The following LHX6 variants were observed in gnomAD, a reference collection of about 807,000 sequenced individuals.
LHX6 encodes LIM/homeobox protein Lhx6.
Under a neutral mutation model 47.1 loss-of-function variants are expected in LHX6, and 15 were observed. The observed-to-expected ratio is 0.32, with a 90% CI of 0.21 to 0.49. LHX6 has a LOEUF of 0.49. LHX6 is among the 20% of genes least tolerant of loss of function. The pLI is 0.99. For missense variants in LHX6, 404 were observed against 539.6 expected (o/e 0.75, Z 2.49); for synonymous variants, 242 against 233.5 (o/e 1.04, Z -0.33).
At chr9:122,216,737 T>C (rs1830606046) in intron 5 of LHX6, among the ~76,000 whole-genome samples, 1 of 152,134 alleles carries the variant, frequency 6.6e-6, no homozygotes, top group Non-Finnish European at 1.5e-5. Context: ...GGCTGCCCGA[T>C]TATGAGAACC....
intron 9 of LHX6, 72 bp downstream of exon 9, chr9:122,209,542 A>G: frequency 6.2e-7 from 1 of 1,603,090 alleles, no homozygotes; most frequent in South Asian, 1.1e-5. Context: ...AATGGTTAAC[A>G]GAGGATGCTG....
At position 122,214,103 on chromosome 9, in the gene LHX6, C is replaced by T. The variant is rs766046550; in HGVS notation, c.784-34G>A. ...CGGGGAGGGCGGTGAGGCGCTCGCACGCAGAGACTCCGAGACCCCGGCCCA... is the reference window on the plus strand; with the variant it reads ...CGGGGAGGGCGGTGAGGCGCTCGCATGCAGAGACTCCGAGACCCCGGCCCA... On this transcript the variant is annotated intron_variant, in intron 6 of 9. Transcript: ENST00000394319. The surrounding 1 kb of genome is among the most constrained non-coding windows in gnomAD (Gnocchi z 4.6). 5 of 1,568,546 alleles carry T rather than the reference C, an allele frequency of 3.2e-6. No homozygotes were observed. The highest frequency in any genetic ancestry group is 1.7e-5 in the Admixed American group (1 of 58,746).
chr9:122,228,765 G>T lies in LHX6; in HGVS notation c.-25C>A, dbSNP rs1285037863. Reference sequence around the variant, plus strand: ...TGGGCCGGGGAACCTCGGGCTCAGCGGGCGCGCAGCGCGGAGAGCTGCGCC... The same window carrying T: ...TGGGCCGGGGAACCTCGGGCTCAGCTGGCGCGCAGCGCGGAGAGCTGCGCC... On this transcript the variant is annotated 5_prime_UTR_variant, in exon 1 of 10. Coordinates refer to ENST00000394319, the MANE Select transcript of LHX6 (RefSeq NM_014368.5). The T allele has an allele frequency of 8.1e-7, 1 of 1,238,754 alleles. No individual in the cohort carries two copies. Among genetic ancestry groups the T allele is most frequent in the Non-Finnish European group, 1.0e-6 (1 of 987,078 alleles). 76.7% of individuals were successfully genotyped at this position (1,238,754 alleles called of 1,614,324 possible).
chr9:122,227,503 G>A (rs1438084721), intron 1 of LHX6, 23 bp from the exon 2 acceptor site: 4 of 1,524,926 alleles, frequency 2.6e-6, no homozygotes, highest in Admixed American at 4.0e-5. Flanking sequence ...GGGAGGGAAC[G>A]CAGGCGGCGG....
At chr9:122,216,922 T>G (rs1830613071) in intron 5 of LHX6, 146 bp downstream of exon 5, 2 of 652,396 alleles carry the variant, frequency 3.1e-6, no homozygotes, top group South Asian at 1.9e-5. Context: ...GCAAGATCTG[T>G]TCGCCGCCCC....
In LHX6 at chr9:122,213,555, CCGCGCCCCCTCCCCGCAGGCCCAGCG is replaced by C. The variant is rs1167784954; in HGVS notation, c.1054+25_1054+50del. 2.7e-6 allele frequency: 4 copies of C among 1,491,466 alleles called. No individual in the cohort carries two copies. In the Admixed American group the frequency reaches 8.7e-5, roughly 33 times the overall value. The allele number at this position is 1,491,466 out of a possible 1,614,324, so 92.4% of individuals were successfully genotyped here. A position where few individuals can be genotyped will look rare whatever the true frequency, so the allele number is the denominator to read the frequency against. On this transcript the variant is annotated intron_variant, in intron 8 of 9. Coordinates refer to ENST00000394319, the MANE Select transcript of LHX6 (RefSeq NM_014368.5). The surrounding 1 kb of genome is among the most constrained non-coding windows in gnomAD (Gnocchi z 5.5). The stretch of plus-strand genomic sequence containing the variant: ...GCCTCAGCCGCCCACGTGCGCTCCT[CCGCGCCCCCTCCCCGCAGGCCCAGCG>C]GCTCCCGGCGCTGCGGTTACTTACT...
rs564927422 is a variant in LHX6 at position 122,216,919 on chromosome 9, C to T, written c.682+149G>A. ...AAAGATCGACCCGGAAGTGCAAGAT[C>T]TGTTCGCCGCCCCACCCCTACGCTG... is the stretch of plus-strand genomic sequence containing the variant. On this transcript the variant is annotated intron_variant, in intron 5 of 9. Coordinates refer to ENST00000394319, the MANE Select transcript of LHX6 (RefSeq NM_014368.5). The T allele has an allele frequency of 5.3e-4, 342 of 640,488 alleles. 2 individuals are homozygous for T. The South Asian group carries it at 6.3e-3, about 12-fold the overall frequency. The allele number at this position is 640,488 out of a possible 1,614,324, so 39.7% of individuals were successfully genotyped here. A position where few individuals can be genotyped will look rare whatever the true frequency, so the allele number is the denominator to read the frequency against.
intron 1 of LHX6, chr9:122,228,265 G>C (rs1421694163): frequency 6.5e-7 from 1 of 1,534,764 alleles, no homozygotes; most frequent in Non-Finnish European, 8.7e-7. Context: ...GGCGCTCAAG[G>C]GGAGGAAAAA....
At chr9:122,227,531 C>G in intron 1 of LHX6, 51 bp from the exon 2 acceptor site, 1 of 1,513,590 alleles carries the variant, frequency 6.6e-7, no homozygotes, top group South Asian at 1.2e-5. Flanking sequence ...TGAACTGGCT[C>G]CGCACAGCCT....
At chr9:122,225,728 T>G (rs943949209) in intron 4 of LHX6, among the ~76,000 whole-genome samples, 1 of 152,220 alleles carries the variant, frequency 6.6e-6, no homozygotes, top group African/African-American at 2.4e-5. Context: ...AGGCTCAGAA[T>G]GCGACACTCC....
At chr9:122,221,996 G>A (rs1830884140) in intron 4 of LHX6, among the ~76,000 whole-genome samples, 1 of 152,200 alleles carries the variant, frequency 6.6e-6, no homozygotes, top group African/African-American at 2.4e-5. Flanking sequence ...GATTATGAGA[G>A]TATCATACAC....
intron 4 of LHX6, among the ~76,000 whole-genome samples, chr9:122,222,942 C>T (rs542378520): frequency 4.6e-5 from 7 of 152,294 alleles, no homozygotes; most frequent in African/African-American, 1.2e-4. Flanking sequence ...CCCTTGACCC[C>T]GGGCTTCAGG....
rs774659808 is a variant in LHX6, at chr9:122,226,326, G to A, written c.461+50C>T. The stretch of plus-strand genomic sequence containing the variant: ...CGCCGCAAAAGTGGCCTCCGAATGC[G>A]CCCGGGGCCTGCCCTCGGCGACACT... On this transcript the variant is annotated intron_variant, in intron 4 of 9. Coordinates refer to ENST00000394319, the MANE Select transcript of LHX6 (RefSeq NM_014368.5). This position sits in a 1 kb window ranked among gnomAD's most constrained non-coding sequence, Gnocchi z 6.5. 3 of 1,574,362 alleles carry A rather than the reference G, an allele frequency of 1.9e-6. No homozygotes were observed. Among genetic ancestry groups the A allele is most frequent in the Non-Finnish European group, 2.6e-6 (3 of 1,159,708 alleles).
At position 122,213,666 on chromosome 9, in the gene LHX6, A is replaced by C; in HGVS notation, c.994T>G (p.Tyr332Asp). Reference sequence around the variant, plus strand: ...CGCTCGGGGCTGCTGAACGGGGTGTAGTGGATGTCGTCGGACAGGGCGGAG... The same window carrying C: ...CGCTCGGGGCTGCTGAACGGGGTGTCGTGGATGTCGTCGGACAGGGCGGAG... ...LPSALSDDIHYTPFSSPERAR... is the reference protein window; with the variant it reads ...LPSALSDDIHDTPFSSPERAR... Residue 332 changes from tyrosine (Y) to aspartate (D), a missense_variant, in exon 8 of 10, where the codon TAC becomes GAC. By Grantham distance (160) the Tyr-to-Asp change is radical. Around this residue, in one of 7 missense-constraint regions of LHX6, gnomAD observed 127 missense variants for 116.1 expected, o/e 1.09. Transcript: ENST00000394319. This position sits in a 1 kb window ranked among gnomAD's most constrained non-coding sequence, Gnocchi z 5.5. 6.2e-7 allele frequency: 1 copy of C among 1,612,250 alleles called. No homozygotes were observed. Among genetic ancestry groups the C allele is most frequent in the Middle Eastern group, 1.7e-4 (1 of 6,038 alleles).
At chr9:122,208,739 GCAGGAGAATCACCTGAACC>G (rs1830282240) in intron 9 of LHX6, among the ~76,000 whole-genome samples, 2 of 151,814 alleles carry the variant, frequency 1.3e-5, no homozygotes, top group South Asian at 4.2e-4. Context: ...GGAGGCTGAG[GCAGGAGAATCACCTGAACC>G]CAGGAGGTGG....
chr9:122,227,140 C>G, intron 2 of LHX6, 110 bp from the exon 3 acceptor site: 1 of 1,042,594 alleles, frequency 9.6e-7, no homozygotes, highest in South Asian at 1.7e-5. Context: ...GAAATCTCCC[C>G]AGGACAATGC....
In LHX6 at chr9:122,213,259, T is replaced by C. The variant is rs1360778554; in HGVS notation, c.1054+347A>G. On this transcript the variant is annotated intron_variant, in intron 8 of 9. Transcript: ENST00000394319. This position sits in a 1 kb window ranked among gnomAD's most constrained non-coding sequence, Gnocchi z 5.5. ...ACTTAAAACGACACACTCATCTGCC[T>C]ATTTTTCCATGCCCACCAGAACGCA... Among the ~76,000 whole-genome samples, 3 of 152,080 alleles carry C rather than the reference T, an allele frequency of 2.0e-5. No homozygotes were observed. The highest frequency in any genetic ancestry group is 4.4e-5 in the Non-Finnish European group (3 of 68,000).
At position 122,220,045 on chromosome 9, in the gene LHX6, T is replaced by C. The variant is rs556655533; in HGVS notation, c.462-2757A>G. Among the ~76,000 whole-genome samples, 41 of 152,332 alleles carry C rather than the reference T, an allele frequency of 2.7e-4. No individual in the cohort carries two copies. In the South Asian group the frequency reaches 8.5e-3, roughly 32 times the overall value. ...CGGGCAAGAGCGGCTGAGCCTTCTG[T>C]GCGCTTGGCTCGTGGGATTCTTTCC... On this transcript the variant is annotated intron_variant, in intron 4 of 9. Transcript: ENST00000394319.
intron 9 of LHX6, among the ~76,000 whole-genome samples, chr9:122,205,365 G>A (rs1322242075): frequency 1.3e-5 from 2 of 152,332 alleles, no homozygotes. Flanking sequence ...TCACATGCAC[G>A]AAGCCTAGAA....
Sources: gnomAD v4.1 joint callset for allele counts (sites outside exome capture counted in the v4.1 genomes callset) on GRCh38, gnomAD v4.1.1 for gene constraint, gnomAD v4.1.1 regional missense constraint, Gnocchi (gnomAD v3.1) non-coding constraint, MANE v1.5 for transcripts, NCBI Gene and HGNC (gene_info 2026-07-23, HGNC 2026-07-21) for gene names.